CTNND2: variants seen among roughly 807,000 people sequenced by gnomAD.
CTNND2 encodes catenin delta 2.
Under a neutral mutation model 144.4 loss-of-function variants are expected in CTNND2, and 22 were observed. The ratio of observed to expected loss-of-function variants is 0.15; its 90% confidence interval spans 0.11 to 0.22. The LOEUF (loss-of-function observed/expected upper bound fraction) is 0.22, where lower values mean the gene tolerates loss of function less well. CTNND2 is among the 10% of genes least tolerant of loss of function. The probability of loss-of-function intolerance (pLI) is 1.00; values close to 1 mark genes in which losing one functional copy is unlikely to be tolerated. For missense variants in CTNND2, 1,353 were observed against 1,618.8 expected (o/e 0.84, Z 2.82); for synonymous variants, 751 against 695.6 (o/e 1.08, Z -1.25).
intron 16 of CTNND2, among the ~76,000 whole-genome samples, chr5:11,069,066 G>A (rs1418994469): frequency 6.6e-6 from 1 of 152,218 alleles, no homozygotes; most frequent in Non-Finnish European, 1.5e-5. Context: ...TACGCAACGT[G>A]TATCTTCATC....
intron 3 of CTNND2, among the ~76,000 whole-genome samples, chr5:11,504,036 T>C (rs149825128): frequency 6.6e-6 from 1 of 152,344 alleles, no homozygotes; most frequent in East Asian, 1.9e-4. Context: ...GAAAGATAAT[T>C]ATCAACGTAC....
intron 15 of CTNND2, among the ~76,000 whole-genome samples, chr5:11,088,141 T>G (rs1007005699): frequency 6.6e-6 from 1 of 152,228 alleles, no homozygotes; most frequent in African/African-American, 2.4e-5. Flanking sequence ...TGTGTGCAAC[T>G]GGTATCTAGA....
intron 2 of CTNND2, among the ~76,000 whole-genome samples, chr5:11,681,670 CT>C (rs1784426707): frequency 6.6e-6 from 1 of 152,208 alleles, no homozygotes; most frequent in Non-Finnish European, 1.5e-5. Flanking sequence ...GCACAATAAT[CT>C]TAATTACAGT....
intron 12 of CTNND2, among the ~76,000 whole-genome samples, chr5:11,139,616 C>T (rs1022685654): frequency 6.6e-6 from 1 of 152,210 alleles, no homozygotes; most frequent in Non-Finnish European, 1.5e-5. Flanking sequence ...GCCAGCTGCT[C>T]GTGCAGCTCT....
intron 3 of CTNND2, among the ~76,000 whole-genome samples, chr5:11,524,694 G>C (rs1293551358): frequency 6.6e-6 from 1 of 152,198 alleles, no homozygotes; most frequent in Admixed American, 6.5e-5. Flanking sequence ...TTTTAACAAA[G>C]TACCTACACA....
At chr5:11,270,614 C>A (rs1300113973) in intron 9 of CTNND2, among the ~76,000 whole-genome samples, 7 of 152,118 alleles carry the variant, frequency 4.6e-5, no homozygotes, top group Non-Finnish European at 8.8e-5. Flanking sequence ...AATACAGGAT[C>A]CCTGCTTCAA....
chr5:11,013,970 T>C (rs1014559305), intron 18 of CTNND2, among the ~76,000 whole-genome samples: 2 of 152,126 alleles, frequency 1.3e-5, no homozygotes, highest in Admixed American at 1.3e-4. Context: ...CAGGCAGGAA[T>C]GATGTTTCTT....
chr5:11,298,105 G>A (rs577778523), intron 9 of CTNND2, among the ~76,000 whole-genome samples: 6 of 152,172 alleles, frequency 3.9e-5, no homozygotes, highest in African/African-American at 1.4e-4. Flanking sequence ...AAAACTTTAC[G>A]CCCTATGAAA....
At chr5:11,705,902 G>A (rs991513413) in intron 2 of CTNND2, among the ~76,000 whole-genome samples, 1 of 152,150 alleles carries the variant, frequency 6.6e-6, no homozygotes, top group African/African-American at 2.4e-5. Flanking sequence ...CATGCATTAC[G>A]TGAGACTTTA....
chr5:11,451,644 C>T (rs554033235), intron 3 of CTNND2, among the ~76,000 whole-genome samples: 3 of 152,170 alleles, frequency 2.0e-5, no homozygotes, highest in Non-Finnish European at 4.4e-5. Flanking sequence ...AAATGATACT[C>T]AACCTGGATT....
At chr5:11,785,031 C>T (rs1790754400) in intron 1 of CTNND2, among the ~76,000 whole-genome samples, 1 of 152,196 alleles carries the variant, frequency 6.6e-6, no homozygotes, top group Non-Finnish European at 1.5e-5. Context: ...ATTGTTCTTG[C>T]AACTTGACTA....
chr5:11,809,784 A>G (rs1792218337), intron 1 of CTNND2, among the ~76,000 whole-genome samples: 1 of 152,196 alleles, frequency 6.6e-6, no homozygotes, highest in Admixed American at 6.5e-5. Context: ...CTCTTGTCAA[A>G]TGCATGGTGC....
intron 1 of CTNND2, among the ~76,000 whole-genome samples, chr5:11,832,888 C>A (rs1046375360): frequency 5.9e-5 from 9 of 152,096 alleles, no homozygotes; most frequent in African/African-American, 1.9e-4. Flanking sequence ...CTGCTGTGAG[C>A]GGTGATTGTG....
intron 3 of CTNND2, among the ~76,000 whole-genome samples, chr5:11,535,782 A>T (rs1774159943): frequency 6.6e-6 from 1 of 152,236 alleles, no homozygotes; most frequent in African/African-American, 2.4e-5. Context: ...CGGTGTTACA[A>T]GCATGAGGTC....
At chr5:11,638,149 T>C (rs1781809677) in intron 2 of CTNND2, among the ~76,000 whole-genome samples, 1 of 152,204 alleles carries the variant, frequency 6.6e-6, no homozygotes, top group Non-Finnish European at 1.5e-5. Context: ...CTCTGGGTAA[T>C]TAATGGCTTG....
At chr5:11,810,872 A>T (rs556084394) in intron 1 of CTNND2, among the ~76,000 whole-genome samples, 18 of 144,762 alleles carry the variant, frequency 1.2e-4, no homozygotes, top group African/African-American at 2.3e-4. Flanking sequence ...ATTTTTTTAA[A>T]AAAAAAGACA....
chr5:11,221,125 G>T (rs1039410007), intron 10 of CTNND2, among the ~76,000 whole-genome samples: 1 of 152,162 alleles, frequency 6.6e-6, no homozygotes, highest in Non-Finnish European at 1.5e-5. Context: ...AACTAGAGTA[G>T]TCATATAATG....
At chr5:11,187,678 A>AT (rs762427053) in intron 11 of CTNND2, among the ~76,000 whole-genome samples, 16 of 152,312 alleles carry the variant, frequency 1.1e-4, no homozygotes, top group Non-Finnish European at 2.1e-4. Flanking sequence ...AACCTACAGA[A>AT]TGGGAGAAAA....
At chr5:11,623,409 C>G (rs1408457155) in intron 2 of CTNND2, among the ~76,000 whole-genome samples, 1 of 151,984 alleles carries the variant, frequency 6.6e-6, no homozygotes, top group Non-Finnish European at 1.5e-5. Context: ...TTTCCCCTTT[C>G]TCTTGGCCCT....
Sources: allele counts gnomAD v4.1 joint callset (sites outside exome capture counted in the v4.1 genomes callset), GRCh38; gene constraint gnomAD v4.1.1; transcripts MANE v1.5; gene names NCBI Gene and HGNC (gene_info 2026-07-23, HGNC 2026-07-21).